The following ZBTB11 variants were observed in gnomAD, a reference collection of about 807,000 sequenced individuals.
ZBTB11 encodes the protein zinc finger and BTB domain containing 11.
In ZBTB11, 68 loss-of-function variants were observed where a neutral mutation model predicts 113.1. The ratio of observed to expected loss-of-function variants is 0.60; its 90% CI spans 0.49 to 0.74. The LOEUF (loss-of-function observed/expected upper bound fraction) is 0.74. ZBTB11 is among the 30% of genes least tolerant of loss of function. ZBTB11 has a pLI of 0.00. For missense variants in ZBTB11, 1,104 were observed against 1,279.4 expected, an observed-to-expected ratio of 0.86 and a Z score of 2.09; for synonymous variants, 518 against 452.6, an observed-to-expected ratio of 1.14 and a Z score of -1.83.
intron 7 of ZBTB11, chr3:101,655,805 C>G (rs1179828021): frequency 6.4e-6 from 1 of 155,218 alleles, no homozygotes; most frequent in Admixed American, 6.5e-5. Flanking sequence ...GGACTACAGG[C>G]GCCTGCCACC....
In ZBTB11 at chr3:101,665,006, C is replaced by T; in HGVS notation, c.1581G>A (p.Lys527=). The change falls in exon 4 of 11, where the codon AAG becomes AAA. Residue 527 remains lysine, a synonymous_variant. Coordinates refer to ENST00000312938, the MANE Select transcript of ZBTB11 (RefSeq NM_014415.4). ...YIRLHKGMEK[K]LQKRKAVPKS... The stretch of plus-strand genomic sequence containing the variant: ...TGGGAACGGCTTTCCGTTTCTGCAG[C>T]TTTTTCTCCATTCCCTTGTGTAGTC... 6.2e-7 allele frequency: 1 copy of T among 1,613,002 alleles called. No homozygotes were observed. The highest frequency in any genetic ancestry group is 8.5e-7 in the Non-Finnish European group (1 of 1,179,400).
At chr3:101,671,893 T>C (rs1205494731) in intron 2 of ZBTB11, 85 bp downstream of exon 2, 4 of 1,015,582 alleles carry the variant, frequency 3.9e-6, no homozygotes, top group South Asian at 2.6e-5. Context: ...GCAGTCTTAG[T>C]GGTTTGAGAA....
At chr3:101,652,415 G>C in intron 10 of ZBTB11, 81 bp downstream of exon 10, 1 of 1,381,128 alleles carries the variant, frequency 7.2e-7, no homozygotes, top group Non-Finnish European at 9.9e-7. Context: ...ACCAAGGAAG[G>C]TGAAAGAGCT....
intron 1 of ZBTB11, among the ~76,000 whole-genome samples, chr3:101,676,023 T>C (rs1368474900): frequency 6.6e-6 from 1 of 152,232 alleles, no homozygotes; most frequent in Non-Finnish European, 1.5e-5. Context: ...CTCAAGGCGA[T>C]TTCTCAATCA....
intron 6 of ZBTB11, among the ~76,000 whole-genome samples, chr3:101,657,841 TA>T (rs751422811): frequency 2.5e-4 from 36 of 144,478 alleles, no homozygotes; most frequent in Admixed American, 3.4e-4. Flanking sequence ...TATAAAAACT[TA>T]AAAAAAAAAA....
intron 10 of ZBTB11, 129 bp downstream of exon 10, chr3:101,652,367 C>A (rs1014726820): frequency 1.1e-6 from 1 of 903,340 alleles, no homozygotes; most frequent in Admixed American, 2.8e-5. Context: ...TTCAGGATCA[C>A]CTCTGTCATT....
rs1559979866 is a variant in ZBTB11 at position 101,649,681 on chromosome 3, C to A, written c.*1485G>T. 1 of 152,630 alleles carries A rather than the reference C, an allele frequency of 6.6e-6. No individual in the cohort carries two copies. Among genetic ancestry groups the A allele is most frequent in the African/African-American group, 2.4e-5 (1 of 41,450 alleles). 9.5% of individuals were successfully genotyped at this position (152,630 alleles called of 1,614,324 possible). A position where few individuals can be genotyped will look rare whatever the true frequency, so the allele number is the denominator to read the frequency against. On this transcript the variant is annotated 3_prime_UTR_variant, in exon 11 of 11. Transcript: ENST00000312938. ...GTCTTAAAATTGAAAGTCAGCCACA[C>A]AGCTGTTAAAACAATGGGAAATTTG...
At chr3:101,669,235 T>C (rs1396008927) in intron 3 of ZBTB11, among the ~76,000 whole-genome samples, 1 of 152,212 alleles carries the variant, frequency 6.6e-6, no homozygotes, top group Non-Finnish European at 1.5e-5. Context: ...GGTTTCACCA[T>C]GTTGTCCGGG....
In ZBTB11 at chr3:101,658,763, G is replaced by A. The variant is rs115162312; in HGVS notation, c.2046+1020C>T. Among the ~76,000 whole-genome samples the A allele has an allele frequency of 6.8e-3, 1,038 of 152,230 alleles. 11 individuals are homozygous for A. The highest frequency in any genetic ancestry group is 0.023 in the African/African-American group (943 of 41,522). On this transcript the variant is annotated intron_variant, in intron 6 of 10. Transcript: ENST00000312938. ...ACTTGTGGGAAAGGGTGAGTTGGGG[G>A]TGAGGCATAAAAGACTACACCCTGG...
At chr3:101,660,178 A>G (rs1386153351) in intron 5 of ZBTB11, 150 bp from the exon 6 acceptor site, 1 of 774,144 alleles carries the variant, frequency 1.3e-6, no homozygotes. Context: ...TTGTAAAGAT[A>G]AAAGGGATAA....
rs182361740 is a variant in ZBTB11 at position 101,665,137 on chromosome 3, G to C, written c.1450C>G (p.Gln484Glu). 1.9e-6 allele frequency: 3 copies of C among 1,614,074 alleles called. No individual in the cohort carries two copies. Among genetic ancestry groups the C allele is most frequent in the Non-Finnish European group, 2.5e-6 (3 of 1,180,008 alleles). The change falls in exon 4 of 11, where the codon CAG becomes GAG. Residue 484 changes from glutamine (Q) to glutamate (E), a missense_variant. By Grantham distance (29) the Gln-to-Glu change is conservative (BLOSUM62 2). Around this residue, in one of 5 missense-constraint regions of ZBTB11, gnomAD observed 535 missense variants for 518.6 expected, o/e 1.03. Transcript: ENST00000312938. ...GCTGTTGATGCAACTAGATTTTCCT[G>C]ATCTTTTAAAGGTTGGTCAACTTTC... The part of the protein sequence containing the change: ...RQKVDQPLKD[Q>E]ENLVASTAKT...
At chr3:101,669,850 C>T (rs1268148003) in intron 3 of ZBTB11, among the ~76,000 whole-genome samples, 10 of 145,552 alleles carry the variant, frequency 6.9e-5, no homozygotes, top group Non-Finnish European at 1.2e-4. Context: ...TTTTTTGAGA[C>T]GGAGTTTTGC....
rs180994691 is a variant in ZBTB11 at position 101,660,854 on chromosome 3, C to T, written c.1801-826G>A. On this transcript the variant is annotated intron_variant, in intron 5 of 10. Coordinates refer to ENST00000312938, the MANE Select transcript of ZBTB11 (RefSeq NM_014415.4). ...TTGCTTTTTGTTTTATTTCTCTTTG[C>T]ACTTACTAATTTGCAATACCCTGCC... is the stretch of plus-strand genomic sequence containing the variant. 2.1e-4 allele frequency among the ~76,000 whole-genome samples: 32 copies of T among 152,152 alleles called. 1 individual carries two copies. The highest frequency in any genetic ancestry group is 6.0e-4 in the African/African-American group (25 of 41,496).
chr3:101,673,821 T>C (rs1352208805), intron 1 of ZBTB11, among the ~76,000 whole-genome samples: 1 of 152,168 alleles, frequency 6.6e-6, no homozygotes, highest in Non-Finnish European at 1.5e-5. Context: ...GGCCACCAAG[T>C]TCCTTATACT....
chr3:101,661,227 C>T (rs1204489588), intron 5 of ZBTB11, among the ~76,000 whole-genome samples: 2 of 139,010 alleles, frequency 1.4e-5, no homozygotes, highest in African/African-American at 5.7e-5. Context: ...GAGCAAGACC[C>T]TGTCTCAAAA....
At chr3:101,666,131 G>C (rs1000637818) in intron 3 of ZBTB11, among the ~76,000 whole-genome samples, 1 of 152,058 alleles carries the variant, frequency 6.6e-6, no homozygotes, top group African/African-American at 2.4e-5. Flanking sequence ...CTGGAGGATG[G>C]AGGGTTAAAA....
Position 101,665,762 on chromosome 3 carries a change from A to C in ZBTB11, c.825T>G (p.Thr275=), listed in dbSNP as rs1243649377. ...TACAGAAATCAAAACTTAGTACAGA[A>C]GTATAGGCAAATTCCAGTAAAGGAA... is the stretch of plus-strand genomic sequence containing the variant. ...SFLPLLEFAY[T]SVLSFDFCSM... is the part of the protein sequence containing the mutation. The change falls in exon 4 of 11, where the codon ACT becomes ACG. Residue 275 remains threonine (T), a synonymous_variant. Transcript: ENST00000312938. 5.0e-6 allele frequency: 8 copies of C among 1,610,530 alleles called. No homozygotes were observed. Among genetic ancestry groups the C allele is most frequent in the African/African-American group, 1.3e-5 (1 of 74,680 alleles).
intron 2 of ZBTB11, chr3:101,671,773 C>A (rs1015898641): frequency 1.7e-6 from 1 of 603,390 alleles, no homozygotes. Context: ...AACAAACCAA[C>A]AGGTAATTAT....
At position 101,671,498 on chromosome 3, in the gene ZBTB11, T is replaced by C. The variant is rs2108327453; in HGVS notation, c.547-137A>G. Reference sequence around the variant, plus strand: ...TGATATTTTCTTTGTTACCTATGTATTTAAATAAAAAGATATGTTGTCCTA... The same window carrying C: ...TGATATTTTCTTTGTTACCTATGTACTTAAATAAAAAGATATGTTGTCCTA... On this transcript the variant is annotated intron_variant, in intron 2 of 10. Transcript: ENST00000312938. 3 of 666,266 alleles carry C rather than the reference T, an allele frequency of 4.5e-6. No homozygotes were observed. The South Asian group carries it at 5.8e-5, about 13-fold the overall frequency. The allele number at this position is 666,266 out of a possible 1,614,324, so 41.3% of individuals were successfully genotyped here. A position where few individuals can be genotyped will look rare whatever the true frequency, so the allele number is the denominator to read the frequency against.
Sources: allele counts gnomAD v4.1 joint callset (sites outside exome capture counted in the v4.1 genomes callset), GRCh38; gene constraint gnomAD v4.1.1; regional missense constraint gnomAD v4.1.1; transcripts MANE v1.5; gene names NCBI Gene and HGNC (gene_info 2026-07-23, HGNC 2026-07-21).